TBPL2: variants seen among roughly 807,000 people sequenced by gnomAD.
TBPL2 encodes the protein TATA-box binding protein like 2, also known as TATA box-binding protein-like 2.
TBPL2 carries 40 observed loss-of-function variants against 38.2 expected under a neutral mutation model. The observed-to-expected ratio is 1.05, with a 90% CI of 0.81 to 1.36. TBPL2 has a LOEUF of 1.36. Among genes scored for constraint, TBPL2 ranks in the 40% most tolerant of loss-of-function variants. TBPL2 has a pLI of 0.00. For missense variants in TBPL2, 461 were observed against 456.7 expected, an observed-to-expected ratio of 1.01 and a Z score of -0.09; for synonymous variants, 169 against 171.7, an observed-to-expected ratio of 0.98 and a Z score of 0.12.
At chr14:55,427,546 C>G (rs542361139) in intron 5 of TBPL2, among the ~76,000 whole-genome samples, 1 of 152,230 alleles carries the variant, frequency 6.6e-6, no homozygotes, top group South Asian at 2.1e-4. Context: ...AATGAAAGAA[C>G]TTCAGTTCCA....
At chr14:55,435,548 A>C (rs1308612821) in intron 3 of TBPL2, among the ~76,000 whole-genome samples, 2 of 152,210 alleles carry the variant, frequency 1.3e-5, no homozygotes, top group Non-Finnish European at 2.9e-5. Context: ...TGCTGGGATT[A>C]CAGGAGTGAG....
chr14:55,415,353 T>C (rs1885652543), intron 6 of TBPL2, among the ~76,000 whole-genome samples: 1 of 152,224 alleles, frequency 6.6e-6, no homozygotes, highest in African/African-American at 2.4e-5. Context: ...ATAAAGTACA[T>C]TGCTGATAGG....
intron 6 of TBPL2, 140 bp from the exon 7 acceptor site, chr14:55,414,595 C>T (rs1470153146): frequency 6.5e-6 from 4 of 618,048 alleles, no homozygotes; most frequent in South Asian, 2.7e-5. Context: ...GCATTTATTC[C>T]GGGTAAATAA....
chr14:55,429,766 C>CA (rs71131266), intron 4 of TBPL2, among the ~76,000 whole-genome samples: 5,835 of 51,994 alleles, frequency 0.11, 358 homozygotes, highest in Non-Finnish European at 0.12. Flanking sequence ...AACTCCGTCT[C>CA]AAAAAAAAAA....
chr14:55,424,007 T>A (rs35231647), intron 6 of TBPL2, 152 bp downstream of exon 6: 54,688 of 565,374 alleles, frequency 0.097, 2,789 homozygotes, highest in East Asian at 0.11. Flanking sequence ...CTGGGACCTA[T>A]GGGTGATGTT....
At chr14:55,426,820 C>T (rs887114663) in intron 5 of TBPL2, among the ~76,000 whole-genome samples, 2 of 152,198 alleles carry the variant, frequency 1.3e-5, no homozygotes, top group Admixed American at 6.5e-5. Flanking sequence ...ATTCTCACTG[C>T]GCCTTACTGG....
rs1306970333 is a variant in TBPL2, at chr14:55,436,558, T to G, written c.608+3A>C. 6.2e-7 allele frequency: 1 copy of G among 1,611,372 alleles called. No homozygotes were observed. The highest frequency in any genetic ancestry group is 8.5e-7 in the Non-Finnish European group (1 of 1,177,936). On this transcript the variant is annotated splice_donor_region_variant and intron_variant, in intron 2 of 6. Transcript: ENST00000247219. ...CTCAATTAAAACAAAAATAAAAACT[T>G]ACTGTAGTTGAGGTACAATTCCACA...
chr14:55,430,651 C>A (rs558165562), intron 4 of TBPL2, among the ~76,000 whole-genome samples: 1 of 152,278 alleles, frequency 6.6e-6, no homozygotes, highest in African/African-American at 2.4e-5. Flanking sequence ...CCAACCTCAG[C>A]CTCCCCAAGT....
chr14:55,414,351 G>C (rs760626068), exon 7 of TBPL2: 6 of 1,541,238 alleles, frequency 3.9e-6, no homozygotes, highest in Non-Finnish European at 5.3e-6. Flanking sequence ...ATTCAAACCA[G>C]AATAATGTGA....
intron 6 of TBPL2, among the ~76,000 whole-genome samples, chr14:55,422,826 C>T (rs1049680551): frequency 6.6e-6 from 1 of 152,062 alleles, no homozygotes; most frequent in African/African-American, 2.4e-5. Flanking sequence ...ATAGTCCAGC[C>T]TGGGCAACAG....
rs200708206 is a variant in TBPL2, at chr14:55,440,358, C to G, written c.150+38G>C. The G allele has an allele frequency of 1.2e-4, 195 of 1,611,864 alleles. No individual in the cohort carries two copies. In the Admixed American group the frequency reaches 3.2e-3, roughly 26 times the overall value. On this transcript the variant is annotated intron_variant, in intron 1 of 6. Transcript: ENST00000247219. ...GCCCTTGGCACAGGACCGGGCGGGA[C>G]TTGGGTCCTGACTCTGGGACAGTGG...
At chr14:55,431,346 T>C (rs1885922327) in intron 4 of TBPL2, among the ~76,000 whole-genome samples, 2 of 152,250 alleles carry the variant, frequency 1.3e-5, no homozygotes. Flanking sequence ...ATGTGTGTAA[T>C]ATGTGTAACA....
intron 6 of TBPL2, among the ~76,000 whole-genome samples, chr14:55,422,540 C>T (rs1200167528): frequency 1.3e-5 from 2 of 152,136 alleles, no homozygotes; most frequent in Non-Finnish European, 2.9e-5. Flanking sequence ...TGAGCCACCG[C>T]GCCCGGTCAT....
chr14:55,433,194 T>G (rs1885959638), intron 4 of TBPL2, among the ~76,000 whole-genome samples: 1 of 152,030 alleles, frequency 6.6e-6, no homozygotes, highest in Admixed American at 6.6e-5. Context: ...AGTGGTATGA[T>G]CATAGCTCAT....
rs1555344744 is a variant in TBPL2 at position 55,439,617 on chromosome 14, C to CCCCCGCCCCCG, written c.150+778_150+779insCGGGGGCGGGG. On this transcript the variant is annotated intron_variant, in intron 1 of 6. Transcript: ENST00000247219. ...ACCAGCCTGGGGAGAAAAGCAAACC[C>CCCCCGCCCCCG]CCCCCCGTCTCTACTAAAAAATACA... Among the ~76,000 whole-genome samples the CCCCCGCCCCCG allele has an allele frequency of 1.1e-4, 8 of 72,628 alleles. 2 individuals are homozygous for CCCCCGCCCCCG. The highest frequency in any genetic ancestry group is 7.0e-4 in the Admixed American group (4 of 5,722). 47.6% of individuals were successfully genotyped at this position (72,628 alleles called of 152,430 possible).
At chr14:55,427,006 C>T (rs1451876941) in intron 5 of TBPL2, among the ~76,000 whole-genome samples, 2 of 152,196 alleles carry the variant, frequency 1.3e-5, no homozygotes, top group African/African-American at 2.4e-5. Context: ...TAGACACAAC[C>T]TTAGAGTTCG....
exon 5 of TBPL2, chr14:55,428,898 C>T (rs773721224): frequency 7.4e-6 from 12 of 1,614,024 alleles, no homozygotes; most frequent in Middle Eastern, 1.6e-4. Context: ...ATTTTAAAAT[C>T]GAGGAATCTG....
chr14:55,421,782 C>T (rs1440836171), intron 6 of TBPL2, among the ~76,000 whole-genome samples: 2 of 152,090 alleles, frequency 1.3e-5, no homozygotes, highest in Admixed American at 1.3e-4. Flanking sequence ...TCTTTGAAGA[C>T]ACATTAATTA....
chr14:55,414,527 A>C, intron 6 of TBPL2, 72 bp from the exon 7 acceptor site: 1 of 1,103,324 alleles, frequency 9.1e-7, no homozygotes, highest in Non-Finnish European at 1.3e-6. Flanking sequence ...CTAAAATTTC[A>C]TTGTATTGTC....
Sources: allele counts gnomAD v4.1 joint callset (sites outside exome capture counted in the v4.1 genomes callset), GRCh38; gene constraint gnomAD v4.1.1; transcripts MANE v1.5; gene names NCBI Gene and HGNC (gene_info 2026-07-23, HGNC 2026-07-21).